Variants in SNX16 observed in about 807,000 individuals in gnomAD.
SNX16 encodes the protein sorting nexin 16, also known as sorting nexin-16.
A neutral mutation model predicts 36.7 loss-of-function variants in SNX16; 35 were observed. The observed-to-expected ratio is 0.95, with a 90% CI of 0.73 to 1.27. SNX16 has a LOEUF of 1.27. Ranked by LOEUF, SNX16 falls within the 50% of genes most tolerant of loss-of-function variation. The pLI is 0.00. For missense variants in SNX16, 367 were observed against 393.6 expected, an observed-to-expected ratio of 0.93 and a Z score of 0.57; for synonymous variants, 134 against 132.0, an observed-to-expected ratio of 1.02 and a Z score of -0.10.
chr8:81,824,395 C>T (rs1408938737), intron 3 of SNX16, among the ~76,000 whole-genome samples: 2 of 152,116 alleles, frequency 1.3e-5, no homozygotes, highest in Non-Finnish European at 2.9e-5. Flanking sequence ...AGTCCTTTGT[C>T]AGATACATGC....
chr8:81,839,893 T>C lies in SNX16; in HGVS notation c.94A>G (p.Ser32Gly). ...GAAGAATTTGAGCTTGTTGAGACACTGCCAAAAGAAGAACTTCTTTGATTT... is the reference window on the plus strand; with the variant it reads ...GAAGAATTTGAGCTTGTTGAGACACCGCCAAAAGAAGAACTTCTTTGATTT... ...NRNQRSSSFG[S>G]VSTSSNSSKG... The change falls in exon 2 of 8, where the codon AGT becomes GGT. Residue 32 changes from serine (S) to glycine (G), a missense_variant. By Grantham distance (56) the Ser-to-Gly change is moderately conservative. Transcript: ENST00000345957. 2 of 1,614,012 alleles carry C rather than the reference T, an allele frequency of 1.2e-6. No individual in the cohort carries two copies. The highest frequency in any genetic ancestry group is 1.7e-6 in the Non-Finnish European group (2 of 1,179,906).
At position 81,802,379 on chromosome 8, in the gene SNX16, C is replaced by G. The variant is rs756517615; in HGVS notation, c.938+1G>C. ...GCTATCATAAATGAAATATTATATACCTAGATTCTTCATCCAGGACATCTT... is the reference window on the plus strand; with the variant it reads ...GCTATCATAAATGAAATATTATATAGCTAGATTCTTCATCCAGGACATCTT... On this transcript the variant is annotated splice_donor_variant, in intron 7 of 7. Coordinates refer to ENST00000345957, the MANE Select transcript of SNX16 (RefSeq NM_152836.3). LOFTEE classifies it high-confidence loss of function. The G allele has an allele frequency of 5.0e-6, 8 of 1,599,930 alleles. No homozygotes were observed. Among genetic ancestry groups the G allele is most frequent in the Middle Eastern group, 1.7e-4 (1 of 5,992 alleles).
intron 2 of SNX16, among the ~76,000 whole-genome samples, chr8:81,832,660 T>G (rs988740928): frequency 1.1e-4 from 17 of 151,826 alleles, no homozygotes; most frequent in African/African-American, 4.1e-4. Context: ...GGCTACTGAG[T>G]AGAAAAACTT....
chr8:81,837,394 T>C (rs1048209683), intron 2 of SNX16, among the ~76,000 whole-genome samples: 9 of 152,234 alleles, frequency 5.9e-5, no homozygotes, highest in East Asian at 3.8e-4. Context: ...TCTTCACACA[T>C]ATCATCTGTC....
chr8:81,829,598 A>AT lies in SNX16; in HGVS notation c.376-83dup, dbSNP rs1438383268. 5 of 501,166 alleles carry AT rather than the reference A, an allele frequency of 1.0e-5. No individual in the cohort carries two copies. The African/African-American group carries it at 1.0e-4, about 10-fold the overall frequency. 31.0% of individuals were successfully genotyped at this position (501,166 alleles called of 1,614,324 possible). A position where few individuals can be genotyped will look rare whatever the true frequency, so the allele number is the denominator to read the frequency against. ...AAACTCAAGCCAAATATTTTAAAAA[A>AT]TTTTACTTGATAACCCAGACTATAA... On this transcript the variant is annotated intron_variant, in intron 2 of 7. Transcript: ENST00000345957.
intron 4 of SNX16, among the ~76,000 whole-genome samples, chr8:81,818,781 T>C (rs1810606158): frequency 6.6e-6 from 1 of 151,992 alleles, no homozygotes; most frequent in Admixed American, 6.6e-5. Flanking sequence ...TGCAAAATCT[T>C]CCCCTCACGC....
intron 5 of SNX16, chr8:81,807,733 C>T (rs914483561): frequency 1.9e-5 from 12 of 623,888 alleles, no homozygotes; most frequent in South Asian, 5.6e-5. Flanking sequence ...TGGATGCCGC[C>T]GAAGAAGCAT....
intron 5 of SNX16, among the ~76,000 whole-genome samples, chr8:81,804,189 A>C (rs971527047): frequency 6.6e-6 from 1 of 151,666 alleles, no homozygotes; most frequent in African/African-American, 2.4e-5. Context: ...TCATACTTCA[A>C]GAATGAAACA....
At chr8:81,817,952 AG>A (rs1473160582) in intron 4 of SNX16, among the ~76,000 whole-genome samples, 1 of 152,168 alleles carries the variant, frequency 6.6e-6, no homozygotes, top group Non-Finnish European at 1.5e-5. Flanking sequence ...AATTGGGGTC[AG>A]GTGTTGACTT....
At chr8:81,824,569 T>A (rs189817873) in intron 3 of SNX16, among the ~76,000 whole-genome samples, 1 of 152,256 alleles carries the variant, frequency 6.6e-6, no homozygotes, top group Admixed American at 6.5e-5. Flanking sequence ...CTGTAAAGAT[T>A]TTCTTCTATG....
At chr8:81,822,964 A>ATATATATATATATATATG (rs1554546264) in intron 4 of SNX16, among the ~76,000 whole-genome samples, 3 of 127,250 alleles carry the variant, frequency 2.4e-5, no homozygotes, top group South Asian at 2.4e-4. Context: ...ATATATATAT[A>ATATATATATATATATATG]TATATATATA....
At chr8:81,826,985 AATT>A (rs1354422469) in intron 3 of SNX16, among the ~76,000 whole-genome samples, 3 of 152,160 alleles carry the variant, frequency 2.0e-5, no homozygotes, top group African/African-American at 7.2e-5. Context: ...TATTTTTTAC[AATT>A]ATATCAATGA....
intron 2 of SNX16, among the ~76,000 whole-genome samples, chr8:81,835,919 G>C (rs953436574): frequency 3.3e-5 from 5 of 152,164 alleles, no homozygotes; most frequent in Admixed American, 2.0e-4. Context: ...AACAGTATGG[G>C]AAAGACCTGC....
chr8:81,829,492 T>C lies in SNX16; in HGVS notation c.400A>G (p.Thr134Ala). 1 of 1,417,386 alleles carries C rather than the reference T, an allele frequency of 7.1e-7. No individual in the cohort carries two copies. The highest frequency in any genetic ancestry group is 9.3e-7 in the Non-Finnish European group (1 of 1,078,942). The allele number at this position is 1,417,386 out of a possible 1,614,324, so 87.8% of individuals were successfully genotyped here. A position where few individuals can be genotyped will look rare whatever the true frequency, so the allele number is the denominator to read the frequency against. The change falls in exon 3 of 8, where the codon ACC (threonine) becomes GCC (alanine). Residue 134 changes from threonine to alanine, a missense_variant. Thr to Ala is a moderately conservative substitution (Grantham distance 58). Coordinates refer to ENST00000345957, the MANE Select transcript of SNX16 (RefSeq NM_152836.3). Reference protein sequence around the residue: ...FTVYKILVKKTPEESWVVFRR... With the variant: ...FTVYKILVKKAPEESWVVFRR... ...AAAACTACCCAGCTTTCTTCTGGGG[T>C]TTTCTTTACTAGTATTTTATATACC...
rs148547139 is a variant in SNX16 at position 81,805,308 on chromosome 8, T to C, written c.682-2080A>G. Among the ~76,000 whole-genome samples, 176 of 152,160 alleles carry C rather than the reference T, an allele frequency of 1.2e-3. 1 individual carries two copies. Among genetic ancestry groups the C allele is most frequent in the South Asian group, 5.8e-3 (28 of 4,828 alleles). ...ACAAGATAATAGGAACAATATAAAA[T>C]ATGAACGAGAATGAAAATATTAAGA... On this transcript the variant is annotated intron_variant, in intron 5 of 7. Transcript: ENST00000345957.
At chr8:81,841,853 G>C (rs1811799669) in intron 1 of SNX16, 1 of 152,138 alleles carries the variant, frequency 6.6e-6, no homozygotes, top group South Asian at 2.1e-4. Context: ...GGTCTGCGCC[G>C]GTCACGGGTC....
chr8:81,808,583 A>C (rs1810079153), intron 5 of SNX16: 2 of 979,084 alleles, frequency 2.0e-6, no homozygotes, highest in Admixed American at 3.4e-5. Context: ...ATCAGTCTTC[A>C]AATTTTGGAC....
intron 2 of SNX16, among the ~76,000 whole-genome samples, chr8:81,839,392 T>C (rs941539735): frequency 2.0e-5 from 3 of 152,186 alleles, no homozygotes; most frequent in African/African-American, 4.8e-5. Flanking sequence ...TTGATTTATG[T>C]GCTATTAATA....
chr8:81,835,873 C>T (rs1033493417), intron 2 of SNX16, among the ~76,000 whole-genome samples: 1 of 152,210 alleles, frequency 6.6e-6, no homozygotes, highest in South Asian at 2.1e-4. Context: ...GCTTTTAAAA[C>T]CATCAGATCT....
Sources: allele counts gnomAD v4.1 joint callset (sites outside exome capture counted in the v4.1 genomes callset), GRCh38; gene constraint gnomAD v4.1.1; transcripts MANE v1.5; gene names NCBI Gene and HGNC (gene_info 2026-07-23, HGNC 2026-07-21).